The following TTC17 variants were observed in gnomAD, a reference collection of about 807,000 sequenced individuals.
TTC17 encodes tetratricopeptide repeat domain 17.
TTC17 carries 58 observed loss-of-function variants against 143.8 expected under a neutral mutation model. The observed-to-expected ratio is 0.40, with a 90% CI of 0.33 to 0.50. The LOEUF (loss-of-function observed/expected upper bound fraction) is 0.50. TTC17 is among the 20% of genes least tolerant of loss of function. TTC17 has a pLI of 0.49. For synonymous variants in TTC17, 501 were observed against 497.8 expected, an observed-to-expected ratio of 1.01 and a Z score of -0.09; for missense variants, 1,273 against 1,392.5, an observed-to-expected ratio of 0.91 and a Z score of 1.37.
chr11:43,451,036 A>G, intron 20 of TTC17, 146 bp from the exon 21 acceptor site: 1 of 652,282 alleles, frequency 1.5e-6, no homozygotes, highest in East Asian at 2.8e-5. Flanking sequence ...TGTGTCTTCC[A>G]TAGATTACCT....
At chr11:43,422,153 G>A (rs1261706971) in intron 16 of TTC17, among the ~76,000 whole-genome samples, 1 of 152,148 alleles carries the variant, frequency 6.6e-6, no homozygotes, top group Non-Finnish European at 1.5e-5. Context: ...GAACCAAAAA[G>A]ACACTCCTAG....
intron 21 of TTC17, among the ~76,000 whole-genome samples, chr11:43,456,193 C>CACAA (rs1554937284): frequency 1.3e-5 from 2 of 151,694 alleles, no homozygotes; most frequent in African/African-American, 4.9e-5. Context: ...CACACACACA[C>CACAA]ACACACACAC....
chr11:43,470,233 A>G (rs972910282), intron 21 of TTC17, among the ~76,000 whole-genome samples: 5 of 152,252 alleles, frequency 3.3e-5, no homozygotes, highest in Admixed American at 6.5e-5. Context: ...CAGCAGCATC[A>G]GAGGTATACC....
At chr11:43,453,471 A>G (rs1046500148) in intron 21 of TTC17, among the ~76,000 whole-genome samples, 1 of 152,174 alleles carries the variant, frequency 6.6e-6, no homozygotes, top group African/African-American at 2.4e-5. Flanking sequence ...TAGAATACTT[A>G]AAGAATAAAA....
At chr11:43,370,099 G>GT (rs1856504562) in intron 1 of TTC17, 1 of 454,876 alleles carries the variant, frequency 2.2e-6, no homozygotes, top group African/African-American at 2.0e-5. Flanking sequence ...GAGCCCATGC[G>GT]TATCTCTCTC....
At chr11:43,437,750 C>T (rs1318737039) in intron 16 of TTC17, among the ~76,000 whole-genome samples, 1 of 152,166 alleles carries the variant, frequency 6.6e-6, no homozygotes, top group African/African-American at 2.4e-5. Context: ...CAAACACATA[C>T]ACATAGTACA....
intron 1 of TTC17, among the ~76,000 whole-genome samples, chr11:43,368,295 T>C (rs1293508094): frequency 6.6e-6 from 1 of 152,194 alleles, no homozygotes; most frequent in African/African-American, 2.4e-5. Flanking sequence ...TTCAACTTCT[T>C]CCTGAACTTC....
chr11:43,361,762 A>C (rs1037718900), intron 1 of TTC17, among the ~76,000 whole-genome samples: 1 of 152,230 alleles, frequency 6.6e-6, no homozygotes, highest in Non-Finnish European at 1.5e-5. Flanking sequence ...GAATGAGAGC[A>C]TAAGTGTGAT....
intron 18 of TTC17, chr11:43,446,760 A>G: frequency 1.2e-6 from 1 of 805,026 alleles, no homozygotes; most frequent in Non-Finnish European, 1.5e-6. Flanking sequence ...TAACTCCTTC[A>G]GAAAACCCTT....
At chr11:43,489,061 A>C (rs1313001802) in intron 21 of TTC17, among the ~76,000 whole-genome samples, 3 of 152,152 alleles carry the variant, frequency 2.0e-5, no homozygotes, top group African/African-American at 7.2e-5. Context: ...AAGATCACTA[A>C]AAAACCAAAT....
rs140511626 is a variant in TTC17 at position 43,397,383 on chromosome 11, C to T, written c.810C>T (p.Asn270=). The change falls in exon 7 of 24, where the codon AAC becomes AAT. Residue 270 remains asparagine (N), a synonymous_variant. Coordinates refer to ENST00000039989, the MANE Select transcript of TTC17 (RefSeq NM_018259.6). Reference sequence around the variant, plus strand: ...ACATTGCCCTGGTCAACCTGGCAAACGTTCTACACAGAGCACACTTCTCTG... The same window carrying T: ...ACATTGCCCTGGTCAACCTGGCAAATGTTCTACACAGAGCACACTTCTCTG... ...NKDIALVNLA[N]VLHRAHFSAD... 6.6e-5 allele frequency: 107 copies of T among 1,611,732 alleles called. No homozygotes were observed. The African/African-American group carries it at 1.3e-3, about 20-fold the overall frequency.
intron 2 of TTC17, among the ~76,000 whole-genome samples, chr11:43,389,331 A>T (rs1857292070): frequency 6.6e-6 from 1 of 152,200 alleles, no homozygotes; most frequent in African/African-American, 2.4e-5. Context: ...AAACAACCTG[A>T]CAGGTTTGTT....
At chr11:43,444,302 G>C in intron 18 of TTC17, 93 bp downstream of exon 18, 1 of 1,328,516 alleles carries the variant, frequency 7.5e-7, no homozygotes, top group Non-Finnish European at 1.0e-6. Flanking sequence ...AAATAGTTCA[G>C]ATGAGATGAT....
Position 43,494,168 on chromosome 11 carries a change from G to C in TTC17, c.*264G>C. 3.3e-6 allele frequency: 1 copy of C among 304,880 alleles called. No individual in the cohort carries two copies. The highest frequency in any genetic ancestry group is 6.0e-6 in the Non-Finnish European group (1 of 166,232). 18.9% of individuals were successfully genotyped at this position (304,880 alleles called of 1,614,324 possible). On this transcript the variant is annotated 3_prime_UTR_variant, in exon 24 of 24. Coordinates refer to ENST00000039989, the MANE Select transcript of TTC17 (RefSeq NM_018259.6). ...CTTCAAGATATTGTGTAAATACTGA[G>C]CCAAGACATTTCTGGAGCTGTGCTC...
intron 16 of TTC17, among the ~76,000 whole-genome samples, chr11:43,424,185 C>T (rs1946971658): frequency 6.6e-6 from 1 of 151,782 alleles, no homozygotes; most frequent in South Asian, 2.1e-4. Flanking sequence ...CTCCGCCTCC[C>T]TGGTTCAAGC....
At chr11:43,489,535 C>T (rs866870306) in intron 21 of TTC17, among the ~76,000 whole-genome samples, 4 of 151,938 alleles carry the variant, frequency 2.6e-5, no homozygotes, top group African/African-American at 7.3e-5. Context: ...GTCATGAGTT[C>T]GAGACCAGCC....
chr11:43,412,244 G>A (rs1171757750), intron 15 of TTC17, among the ~76,000 whole-genome samples: 1 of 152,148 alleles, frequency 6.6e-6, no homozygotes, highest in Non-Finnish European at 1.5e-5. Context: ...AGCACTTTGA[G>A]AGGCTAAGTG....
chr11:43,439,379 A>G (rs1221956707), intron 16 of TTC17, among the ~76,000 whole-genome samples: 1 of 151,912 alleles, frequency 6.6e-6, no homozygotes, highest in Non-Finnish European at 1.5e-5. Context: ...AGACTTAAAC[A>G]TGAATCTCCA....
At chr11:43,366,075 G>C (rs1287673613) in intron 1 of TTC17, among the ~76,000 whole-genome samples, 1 of 151,400 alleles carries the variant, frequency 6.6e-6, no homozygotes, top group African/African-American at 2.4e-5. Flanking sequence ...CCGCCTCCCA[G>C]GTTCAAGCAA....
Sources: gnomAD v4.1 joint callset for allele counts (sites outside exome capture counted in the v4.1 genomes callset) on GRCh38, gnomAD v4.1.1 for gene constraint, MANE v1.5 for transcripts, NCBI Gene and HGNC (gene_info 2026-07-23, HGNC 2026-07-21) for gene names.